Variants in SEC61A2 observed in about 807,000 individuals in gnomAD.
The protein encoded by SEC61A2 is protein transport protein Sec61 subunit alpha isoform 2.
SEC61A2 carries 28 observed loss-of-function variants against 59.9 expected under a neutral mutation model. The ratio of observed to expected loss-of-function variants is 0.47; its 90% CI spans 0.35 to 0.64. SEC61A2 has a LOEUF of 0.64. Ranked by LOEUF, SEC61A2 falls within the 30% of genes least tolerant of loss-of-function variation. The probability of loss-of-function intolerance (pLI) is 0.01; values close to 1 mark genes in which losing one functional copy is unlikely to be tolerated. For missense variants in SEC61A2, 340 were observed against 585.9 expected (o/e 0.58, Z 4.33); for synonymous variants, 202 against 214.4 (o/e 0.94, Z 0.50).
chr10:12,135,843 T>A (rs542446044), intron 2 of SEC61A2, among the ~76,000 whole-genome samples: 18 of 152,316 alleles, frequency 1.2e-4, no homozygotes, highest in African/African-American at 3.4e-4. Context: ...ATATACAGCA[T>A]ATCTTCTTTA....
chr10:12,162,636 T>C lies in SEC61A2; in HGVS notation c.1244+347T>C, dbSNP rs1414978300. The stretch of plus-strand genomic sequence containing the variant: ...TGAGTTCCAGGCATCAGGGTTTTAT[T>C]TTTTGGTAACAGCTTTATTGAGATA... On this transcript the variant is annotated intron_variant, in intron 11 of 11. Coordinates refer to ENST00000298428, the MANE Select transcript of SEC61A2 (RefSeq NM_018144.4). The surrounding 1 kb of genome is among the most constrained non-coding windows in gnomAD (Gnocchi z 6.1). 6.6e-6 allele frequency among the ~76,000 whole-genome samples: 1 copy of C among 152,218 alleles called. No homozygotes were observed. Among genetic ancestry groups the C allele is most frequent in the Non-Finnish European group, 1.5e-5 (1 of 68,028 alleles).
rs766884773 is a variant in SEC61A2, at chr10:12,149,808, C to G, written c.353-44C>G. 6.2e-7 allele frequency: 1 copy of G among 1,607,190 alleles called. No homozygotes were observed. On this transcript the variant is annotated intron_variant, in intron 5 of 11. Transcript: ENST00000298428. The surrounding 1 kb of genome is among the most constrained non-coding windows in gnomAD (Gnocchi z 5.2). ...GATGTTTTCTCTAGTCTTTTCTTGT[C>G]TTTGGTGGTAAGCGTGCTCTCCTTT...
intron 3 of SEC61A2, among the ~76,000 whole-genome samples, chr10:12,141,905 A>G (rs1361988825): frequency 6.6e-6 from 1 of 152,182 alleles, no homozygotes; most frequent in African/African-American, 2.4e-5. Flanking sequence ...TGCGAAACCA[A>G]TGAATGAGGG....
chr10:12,134,715 G>A (rs1050518269), intron 2 of SEC61A2, among the ~76,000 whole-genome samples: 4 of 151,580 alleles, frequency 2.6e-5, no homozygotes, highest in Non-Finnish European at 5.9e-5. Flanking sequence ...CAAGAGATGG[G>A]GACCATCCTT....
chr10:12,133,460 A>C, intron 2 of SEC61A2, 152 bp downstream of exon 2: 1 of 488,642 alleles, frequency 2.0e-6, no homozygotes, highest in Non-Finnish European at 3.7e-6. Flanking sequence ...AGTGAATAAA[A>C]ATAATATAAA....
At chr10:12,150,755 A>G (rs1178056345) in intron 6 of SEC61A2, among the ~76,000 whole-genome samples, 1 of 152,080 alleles carries the variant, frequency 6.6e-6, no homozygotes, top group East Asian at 1.9e-4. Flanking sequence ...AGGTCAACAT[A>G]ATTATTAGTG....
chr10:12,131,185 C>T (rs1217589292), intron 1 of SEC61A2, among the ~76,000 whole-genome samples: 2 of 152,128 alleles, frequency 1.3e-5, no homozygotes, highest in Non-Finnish European at 2.9e-5. Flanking sequence ...AATAAACAAA[C>T]ATATATCGGT....
At chr10:12,130,602 T>C (rs1321765049) in intron 1 of SEC61A2, among the ~76,000 whole-genome samples, 6 of 152,206 alleles carry the variant, frequency 3.9e-5, no homozygotes, top group Admixed American at 2.0e-4. Flanking sequence ...GATCATAAAG[T>C]GTCAAGAAAT....
Position 12,152,811 on chromosome 10 carries a change from G to T in SEC61A2, c.462+2850G>T, listed in dbSNP as rs890996140. On this transcript the variant is annotated intron_variant, in intron 6 of 11. Transcript: ENST00000298428. This position sits in a 1 kb window ranked among gnomAD's most constrained non-coding sequence, Gnocchi z 5.5. ...GGGAGGCTGAGGCCGAACCCAGGAG[G>T]CGGAGGTTGCAGTGAGCTGAGATTG... 1.3e-5 allele frequency among the ~76,000 whole-genome samples: 2 copies of T among 151,780 alleles called. No individual in the cohort carries two copies. The highest frequency in any genetic ancestry group is 3.0e-5 in the Non-Finnish European group (2 of 67,748).
intron 2 of SEC61A2, among the ~76,000 whole-genome samples, chr10:12,135,440 AT>A (rs1833862810): frequency 6.6e-6 from 1 of 152,144 alleles, no homozygotes; most frequent in South Asian, 2.1e-4. Context: ...TATAAGCTTA[AT>A]TTTTTAGAAC....
chr10:12,163,730 T>A (rs545490269), intron 11 of SEC61A2, among the ~76,000 whole-genome samples: 2 of 152,276 alleles, frequency 1.3e-5, no homozygotes, highest in East Asian at 1.9e-4. Context: ...GAACACAGAC[T>A]GCAGAGTAGT....
intron 3 of SEC61A2, among the ~76,000 whole-genome samples, chr10:12,141,741 G>A (rs557064475): frequency 5.3e-5 from 8 of 152,012 alleles, no homozygotes; most frequent in Admixed American, 1.3e-4. Context: ...CTTAACAGTC[G>A]CACTCCTGAA....
At chr10:12,137,524 C>T (rs559484104) in intron 3 of SEC61A2, among the ~76,000 whole-genome samples, 3 of 152,146 alleles carry the variant, frequency 2.0e-5, no homozygotes, top group South Asian at 2.1e-4. Context: ...AGGCTGGTCT[C>T]GAATTCCTGG....
rs1232750093 is a variant in SEC61A2, at chr10:12,142,168, G to A, written c.142-949G>A. ...TGGATCTCAGGGCAGGATTTATGGCGAGTACATGTTCTTACACTAAGGACT... is the reference window on the plus strand; with the variant it reads ...TGGATCTCAGGGCAGGATTTATGGCAAGTACATGTTCTTACACTAAGGACT... On this transcript the variant is annotated intron_variant, in intron 3 of 11. Coordinates refer to ENST00000298428, the MANE Select transcript of SEC61A2 (RefSeq NM_018144.4). This position sits in a 1 kb window ranked among gnomAD's most constrained non-coding sequence, Gnocchi z 5.4. Among the ~76,000 whole-genome samples, 4 of 152,102 alleles carry A rather than the reference G, an allele frequency of 2.6e-5. No individual in the cohort carries two copies. Among genetic ancestry groups the A allele is most frequent in the East Asian group, 3.8e-4 (2 of 5,196 alleles).
chr10:12,132,713 A>G (rs1162982977), intron 1 of SEC61A2, among the ~76,000 whole-genome samples: 1 of 151,966 alleles, frequency 6.6e-6, no homozygotes, highest in Non-Finnish European at 1.5e-5. Flanking sequence ...AGTTCTCTAC[A>G]GAAGAGCCCA....
intron 3 of SEC61A2, among the ~76,000 whole-genome samples, chr10:12,136,700 A>G (rs1833896452): frequency 6.7e-6 from 1 of 149,918 alleles, no homozygotes; most frequent in Non-Finnish European, 1.5e-5. Context: ...TATGATCTCG[A>G]CTCACTGCAA....
At chr10:12,165,984 G>A (rs1259661999), downstream of SEC61A2, 2 of 152,144 alleles carry the variant, frequency 1.3e-5, no homozygotes, top group African/African-American at 2.4e-5. Context: ...TAAATGCAGG[G>A]CAAATAAACA....
chr10:12,133,548 GT>G (rs1368124010), intron 2 of SEC61A2, among the ~76,000 whole-genome samples: 7 of 152,196 alleles, frequency 4.6e-5, no homozygotes, highest in African/African-American at 1.7e-4. Flanking sequence ...CAAATTAAGT[GT>G]TTCTTCGGCC....
Position 12,155,982 on chromosome 10 carries a change from G to A in SEC61A2, c.616+51G>A, listed in dbSNP as rs1221908174. On this transcript the variant is annotated intron_variant, in intron 7 of 11. Transcript: ENST00000298428. This position sits in a 1 kb window ranked among gnomAD's most constrained non-coding sequence, Gnocchi z 4.3. ...CACGCGTTTTGCTGGATGTGTGCTG[G>A]GAACAAACCCATCGTGTCGCAGTAC... is the stretch of plus-strand genomic sequence containing the variant. 1 of 1,598,458 alleles carries A rather than the reference G, an allele frequency of 6.3e-7. No individual in the cohort carries two copies. The highest frequency in any genetic ancestry group is 1.7e-5 in the Admixed American group (1 of 59,958).
Sources: allele counts gnomAD v4.1 joint callset (sites outside exome capture counted in the v4.1 genomes callset), GRCh38; gene constraint gnomAD v4.1.1; non-coding constraint Gnocchi (gnomAD v3.1); transcripts MANE v1.5; gene names NCBI Gene and HGNC (gene_info 2026-07-23, HGNC 2026-07-21).